FMN1: variants seen among roughly 807,000 people sequenced by gnomAD.
The protein encoded by FMN1 is formin 1.
A neutral mutation model predicts 132.4 loss-of-function variants in FMN1; 110 were observed. The ratio of observed to expected loss-of-function variants is 0.83; its 90% confidence interval spans 0.71 to 0.97. The LOEUF is 0.97. Ranked by LOEUF, FMN1 falls within the 50% of genes least tolerant of loss-of-function variation. FMN1 has a pLI of 0.00. For missense variants in FMN1, 1,792 were observed against 1,705.3 expected, an observed-to-expected ratio of 1.05 and a Z score of -0.90; for synonymous variants, 722 against 651.7, an observed-to-expected ratio of 1.11 and a Z score of -1.64.
chr15:33,042,598 T>C (rs1033860325), intron 6 of FMN1, among the ~76,000 whole-genome samples: 2 of 152,252 alleles, frequency 1.3e-5, no homozygotes, highest in African/African-American at 4.8e-5. Context: ...ATAAAAGTGA[T>C]TTATAAACAA....
At chr15:32,945,326 G>A (rs1010048221) in intron 9 of FMN1, among the ~76,000 whole-genome samples, 1 of 151,998 alleles carries the variant, frequency 6.6e-6, no homozygotes, top group Admixed American at 6.6e-5. Context: ...TAAAGCTATT[G>A]TACTCATTTA....
chr15:32,865,848 A>C, intron 16 of FMN1, among the ~76,000 whole-genome samples: 1 of 129,298 alleles, frequency 7.7e-6, no homozygotes, highest in East Asian at 2.4e-4. Flanking sequence ...AAAAAAAAAA[A>C]AAAAATAAAA....
intron 4 of FMN1, among the ~76,000 whole-genome samples, chr15:33,103,361 C>A (rs1260326251): frequency 5.3e-5 from 8 of 152,036 alleles, no homozygotes; most frequent in Non-Finnish European, 1.0e-4. Context: ...ATGGTTCTCA[C>A]CTTCTGGAGT....
intron 6 of FMN1, among the ~76,000 whole-genome samples, chr15:33,018,029 C>T (rs562391851): frequency 5.3e-4 from 80 of 150,970 alleles, no homozygotes; most frequent in African/African-American, 1.9e-3. Flanking sequence ...CACACCACTG[C>T]ACTCCAGCCT....
chr15:32,899,031 T>A (rs1490164262), intron 14 of FMN1, 138 bp from the exon 15 acceptor site: 1 of 620,738 alleles, frequency 1.6e-6, no homozygotes, highest in African/African-American at 1.8e-5. Flanking sequence ...AAGGTTTTCC[T>A]TCCTCTGCTT....
intron 7 of FMN1, among the ~76,000 whole-genome samples, chr15:33,004,390 G>A (rs1299462454): frequency 1.3e-5 from 2 of 152,148 alleles, no homozygotes; most frequent in Non-Finnish European, 2.9e-5. Flanking sequence ...GATATGAACA[G>A]ACACTTCTCA....
At chr15:33,014,127 G>A (rs974467647) in intron 6 of FMN1, among the ~76,000 whole-genome samples, 2 of 152,238 alleles carry the variant, frequency 1.3e-5, no homozygotes, top group African/African-American at 4.8e-5. Flanking sequence ...GTAGAAGGAG[G>A]AAGCTAATGC....
chr15:33,093,791 G>C (rs1009823593), intron 4 of FMN1, among the ~76,000 whole-genome samples: 6 of 152,222 alleles, frequency 3.9e-5, no homozygotes, highest in African/African-American at 1.4e-4. Context: ...AGCAAGCTCT[G>C]TAAGTCTGAA....
intron 4 of FMN1, among the ~76,000 whole-genome samples, chr15:33,127,428 A>G (rs1963199574): frequency 6.6e-6 from 1 of 152,254 alleles, no homozygotes; most frequent in Non-Finnish European, 1.5e-5. Flanking sequence ...TATTTCCTTG[A>G]GTTAATGAGT....
intron 5 of FMN1, among the ~76,000 whole-genome samples, chr15:33,069,994 T>G (rs1023381061): frequency 6.1e-5 from 2 of 32,564 alleles, no homozygotes; most frequent in African/African-American, 2.4e-4. Context: ...AGTCTTTCTC[T>G]TTTTTTTTTT....
chr15:32,802,658 C>T (rs1180032604), intron 18 of FMN1, among the ~76,000 whole-genome samples: 1 of 152,174 alleles, frequency 6.6e-6, no homozygotes, highest in Non-Finnish European at 1.5e-5. Flanking sequence ...AGTTTCGGCC[C>T]CTCCACGCTG....
chr15:32,914,425 A>C (rs1317219469), intron 10 of FMN1, among the ~76,000 whole-genome samples: 1 of 152,194 alleles, frequency 6.6e-6, no homozygotes, highest in Admixed American at 6.5e-5. Context: ...AATGGCAGGT[A>C]GTTCAATTTT....
Position 33,078,327 on chromosome 15 carries a change from G to C in FMN1, c.2043+10472C>G, listed in dbSNP as rs144220233. Among the ~76,000 whole-genome samples, 571 of 152,272 alleles carry C rather than the reference G, an allele frequency of 3.7e-3. 5 individuals are homozygous for C. The highest frequency in any genetic ancestry group is 0.013 in the African/African-American group (554 of 41,560). On this transcript the variant is annotated intron_variant, in intron 5 of 20. Transcript: ENST00000616417. ...TGGAGCATGTGCAGGTGGTGGGGAGGAACCATTTTTCCATGGTTTTGAAAT... is the reference window on the plus strand; with the variant it reads ...TGGAGCATGTGCAGGTGGTGGGGAGCAACCATTTTTCCATGGTTTTGAAAT...
intron 3 of FMN1, 58 bp from the exon 4 acceptor site, chr15:33,155,103 C>A (rs1358609742): frequency 1.3e-5 from 7 of 559,500 alleles, no homozygotes; most frequent in Non-Finnish European, 2.2e-5. Context: ...AAATCACACA[C>A]CAACATAAAA....
intron 19 of FMN1, among the ~76,000 whole-genome samples, chr15:32,795,869 A>G (rs2057273218): frequency 6.6e-6 from 1 of 152,204 alleles, no homozygotes; most frequent in South Asian, 2.1e-4. Flanking sequence ...ATTGAAAGCC[A>G]TTAATATACC....
intron 16 of FMN1, among the ~76,000 whole-genome samples, chr15:32,870,615 A>G (rs2059492613): frequency 6.6e-6 from 1 of 152,210 alleles, no homozygotes; most frequent in South Asian, 2.1e-4. Flanking sequence ...ACCAAACGTC[A>G]CAGCTGAGTC....
intron 9 of FMN1, among the ~76,000 whole-genome samples, chr15:32,939,797 A>C (rs2061360920): frequency 6.6e-6 from 1 of 152,160 alleles, no homozygotes; most frequent in Non-Finnish European, 1.5e-5. Flanking sequence ...TATTTACTGA[A>C]CGCTGTGGAC....
At chr15:33,028,661 A>G (rs891592594) in intron 6 of FMN1, among the ~76,000 whole-genome samples, 41 of 152,344 alleles carry the variant, frequency 2.7e-4, no homozygotes, top group African/African-American at 8.2e-4. Context: ...CATGTGAAGG[A>G]TATCAGCTCA....
chr15:32,895,226 T>C (rs1267832004), intron 15 of FMN1, among the ~76,000 whole-genome samples: 1 of 152,078 alleles, frequency 6.6e-6, no homozygotes, highest in African/African-American at 2.4e-5. Context: ...GTGTGATGGA[T>C]TGGGTGTTCG....
Sources: allele counts gnomAD v4.1 joint callset (sites outside exome capture counted in the v4.1 genomes callset), GRCh38; gene constraint gnomAD v4.1.1; transcripts MANE v1.5; gene names NCBI Gene and HGNC (gene_info 2026-07-23, HGNC 2026-07-21).